Variants in MFSD11 observed in about 807,000 individuals in gnomAD.
The protein encoded by MFSD11 is UNC93-like protein MFSD11.
A neutral mutation model predicts 53.5 loss-of-function variants in MFSD11; 36 were observed. The ratio of observed to expected loss-of-function variants is 0.67; its 90% CI spans 0.52 to 0.89. The LOEUF (loss-of-function observed/expected upper bound fraction) is 0.89. Ranked by LOEUF, MFSD11 falls within the 40% of genes least tolerant of loss-of-function variation. The probability of loss-of-function intolerance (pLI) is 0.00; values close to 1 mark genes in which losing one functional copy is unlikely to be tolerated. For missense variants in MFSD11, 530 were observed against 543.9 expected (o/e 0.97, Z 0.25); for synonymous variants, 186 against 184.9 (o/e 1.01, Z -0.05).
intron 7 of MFSD11, among the ~76,000 whole-genome samples, chr17:76,752,673 G>A (rs2144410520): frequency 6.6e-6 from 1 of 152,298 alleles, no homozygotes; most frequent in South Asian, 2.1e-4. Flanking sequence ...TGGGGTTCCA[G>A]GCGTGAGCCA....
chr17:76,745,189 A>T (rs1057433824), intron 7 of MFSD11, among the ~76,000 whole-genome samples: 1 of 152,220 alleles, frequency 6.6e-6, no homozygotes, highest in Non-Finnish European at 1.5e-5. Flanking sequence ...AGATTGCCTT[A>T]TAGCATTTTA....
chr17:76,737,304 C>A, upstream of MFSD11: 3 of 1,140,744 alleles, frequency 2.6e-6, no homozygotes, highest in Non-Finnish European at 3.6e-6. Context: ...GGACGGGCTC[C>A]GCAGGCTAGC....
chr17:76,741,237 A>T (rs2078057203), intron 3 of MFSD11, among the ~76,000 whole-genome samples, 173 bp downstream of exon 3: 2 of 152,178 alleles, frequency 1.3e-5, no homozygotes, highest in African/African-American at 4.8e-5. Flanking sequence ...ATGTGATAGG[A>T]TGTATCTATA....
At chr17:76,797,104 A>G in the MFSD11 span, among the ~76,000 whole-genome samples, 1 of 152,092 alleles carries the variant, frequency 6.6e-6, no homozygotes, top group South Asian at 2.1e-4. Context: ...AGGAGGTGGA[A>G]GTTGCAGTGA....
At chr17:76,789,141 C>CA in the MFSD11 span, among the ~76,000 whole-genome samples, 1 of 149,180 alleles carries the variant, frequency 6.7e-6, no homozygotes, top group Non-Finnish European at 1.5e-5. Flanking sequence ...GACTTCATCT[C>CA]AAAAAAATAA....
chr17:76,794,210 G>A, the MFSD11 span, among the ~76,000 whole-genome samples: 2 of 151,562 alleles, frequency 1.3e-5, no homozygotes, highest in East Asian at 1.9e-4. Flanking sequence ...TGGGCTGGGT[G>A]TGGTGGCTCA....
At chr17:76,787,427 G>A in the MFSD11 span, among the ~76,000 whole-genome samples, 5 of 150,014 alleles carry the variant, frequency 3.3e-5, 1 homozygote, top group Admixed American at 6.7e-5. Flanking sequence ...ATGAGCCACC[G>A]CACCCGACCA....
At chr17:76,752,932 A>C (rs2079188438) in intron 7 of MFSD11, 1 of 152,190 alleles carries the variant, frequency 6.6e-6, no homozygotes, top group Non-Finnish European at 1.5e-5. Flanking sequence ...CGGCAGCACA[A>C]ATACTAAAAT....
At chr17:76,743,277 T>G (rs906767852) in intron 5 of MFSD11, 121 bp from the exon 6 acceptor site, 1 of 664,258 alleles carries the variant, frequency 1.5e-6, no homozygotes, top group Non-Finnish European at 2.5e-6. Context: ...AGGTAGATAC[T>G]TTAAAAATGA....
At chr17:76,765,638 G>C (rs2080780693) in intron 8 of MFSD11, among the ~76,000 whole-genome samples, 1 of 151,254 alleles carries the variant, frequency 6.6e-6, no homozygotes, top group African/African-American at 2.4e-5. Flanking sequence ...AATTTTTGTA[G>C]TGTTTTGTAG....
chr17:76,742,527 G>T (rs914463738), intron 5 of MFSD11, among the ~76,000 whole-genome samples: 2 of 150,984 alleles, frequency 1.3e-5, no homozygotes, highest in Middle Eastern at 3.2e-3. Context: ...AAATGAGACG[G>T]TGTCTCACAC....
At position 76,738,155 on chromosome 17, in the gene MFSD11, C is replaced by T. The variant is rs2077677551; in HGVS notation, c.-198C>T. On this transcript the variant is annotated 5_prime_UTR_variant, in exon 1 of 13. Coordinates refer to ENST00000685175, the MANE Select transcript of MFSD11 (RefSeq NM_001242532.5). ...TACTCGGATCGCTTCTTAGGAGTATCCTAACTGCCGGTGGGGAGAACTTCG... is the reference window on the plus strand; with the variant it reads ...TACTCGGATCGCTTCTTAGGAGTATTCTAACTGCCGGTGGGGAGAACTTCG... 8.3e-6 allele frequency: 5 copies of T among 603,218 alleles called. No homozygotes were observed. In the South Asian group the frequency reaches 1.0e-4, roughly 12 times the overall value. 37.4% of individuals were successfully genotyped at this position (603,218 alleles called of 1,614,324 possible).
chr17:76,773,364 G>C (rs1398793366), intron 10 of MFSD11: 1 of 152,166 alleles, frequency 6.6e-6, no homozygotes, highest in Non-Finnish European at 1.5e-5. Context: ...GAGTGATTCC[G>C]TTTTTCTGAA....
At chr17:76,800,247 G>A in the MFSD11 span, among the ~76,000 whole-genome samples, 1 of 152,144 alleles carries the variant, frequency 6.6e-6, no homozygotes, top group Non-Finnish European at 1.5e-5. Context: ...GAGCCACTGT[G>A]CCTGGCTTAG....
chr17:76,784,131 A>G (rs969047407), downstream of MFSD11, among the ~76,000 whole-genome samples: 6 of 152,216 alleles, frequency 3.9e-5, no homozygotes, highest in African/African-American at 1.4e-4. Context: ...GGGTATATAC[A>G]TAAAAGAGTT....
intron 7 of MFSD11, among the ~76,000 whole-genome samples, chr17:76,748,370 T>C (rs78527720): frequency 1.3e-5 from 2 of 152,078 alleles, no homozygotes; most frequent in African/African-American, 4.8e-5. Flanking sequence ...GAAAAAGATT[T>C]GAAGAGGTCC....
At chr17:76,795,348 A>T in the MFSD11 span, among the ~76,000 whole-genome samples, 1 of 148,906 alleles carries the variant, frequency 6.7e-6, no homozygotes, top group South Asian at 2.1e-4. Context: ...AATTAGCCAG[A>T]CGTGGTGGCG....
intron 8 of MFSD11, among the ~76,000 whole-genome samples, chr17:76,761,464 A>T (rs2080222694): frequency 6.6e-6 from 1 of 152,308 alleles, no homozygotes; most frequent in East Asian, 1.9e-4. Flanking sequence ...CCTAGCCATA[A>T]AAATTATCTC....
Position 76,738,461 on chromosome 17 carries a change from C to T in MFSD11, c.96+13C>T, listed in dbSNP as rs753159654. ...TGGAAATGTGGCGGTGAGTTGGAAT[C>T]TGTCCTCCCTCCTTTGAAGTGCCCA... On this transcript the variant is annotated intron_variant, in intron 1 of 12. Coordinates refer to ENST00000685175, the MANE Select transcript of MFSD11 (RefSeq NM_001242532.5). 1 of 1,591,526 alleles carries T rather than the reference C, an allele frequency of 6.3e-7. No homozygotes were observed. Among genetic ancestry groups the T allele is most frequent in the South Asian group, 1.1e-5 (1 of 90,558 alleles).
Sources: allele counts gnomAD v4.1 joint callset (sites outside exome capture counted in the v4.1 genomes callset), GRCh38; gene constraint gnomAD v4.1.1; transcripts MANE v1.5; gene names NCBI Gene and HGNC (gene_info 2026-07-23, HGNC 2026-07-21).